Variants in CFAP54 observed in about 807,000 individuals in gnomAD.
CFAP54 encodes cilia and flagella associated protein 54, also known as cilia- and flagella-associated protein 54.
In CFAP54, 290 loss-of-function variants were observed where a neutral mutation model predicts 370.4. That is an observed-to-expected ratio of 0.78 (90% confidence interval 0.71 to 0.86). The LOEUF is 0.86. Among genes scored for constraint, CFAP54 ranks in the 40% least tolerant of loss-of-function variants. CFAP54 has a pLI of 0.00. For missense variants in CFAP54, 3,399 were observed against 3,528.7 expected (o/e 0.96, Z 0.93); for synonymous variants, 1,206 against 1,236.5 (o/e 0.98, Z 0.52).
intron 63 of CFAP54, among the ~76,000 whole-genome samples, chr12:96,794,898 G>T (rs892099885): frequency 1.3e-5 from 2 of 152,162 alleles, no homozygotes; most frequent in African/African-American, 4.8e-5. Flanking sequence ...GGACTCAGGG[G>T]CTTCTGTTGA....
At chr12:96,546,002 T>A (rs549006585) in intron 14 of CFAP54, among the ~76,000 whole-genome samples, 2 of 152,332 alleles carry the variant, frequency 1.3e-5, no homozygotes, top group South Asian at 4.1e-4. Context: ...CATAACTGTT[T>A]CCCTGAATTC....
intron 38 of CFAP54, 32 bp downstream of exon 38, chr12:96,658,378 G>A (rs1198588906): frequency 1.9e-6 from 3 of 1,608,358 alleles, no homozygotes; most frequent in Non-Finnish European, 2.6e-6. Flanking sequence ...TATTCATGCT[G>A]TTGTGATTTC....
intron 1 of CFAP54, among the ~76,000 whole-genome samples, chr12:96,500,105 G>T (rs983222220): frequency 6.6e-6 from 1 of 152,118 alleles, no homozygotes; most frequent in African/African-American, 2.4e-5. Flanking sequence ...CCAGACAATG[G>T]GATATTATTC....
chr12:96,667,908 T>C (rs545405374), intron 39 of CFAP54, among the ~76,000 whole-genome samples: 60 of 152,318 alleles, frequency 3.9e-4, no homozygotes, highest in Middle Eastern at 3.4e-3. Flanking sequence ...TTCTGCCAGA[T>C]ACACTAAATC....
rs1956501476 is a variant in CFAP54, at chr12:96,621,999, A to C, written c.3771+278A>C. ...CGACCATCAGTTAATGATGATAGAGAGCTTCTTACACCCAGTTGGACACTG... is the reference window on the plus strand; with the variant it reads ...CGACCATCAGTTAATGATGATAGAGCGCTTCTTACACCCAGTTGGACACTG... On this transcript the variant is annotated intron_variant, in intron 27 of 67. Transcript: ENST00000524981. Among the ~76,000 whole-genome samples the C allele has an allele frequency of 2.0e-5, 3 of 146,792 alleles. No individual in the cohort carries two copies. In the Admixed American group the frequency reaches 2.1e-4, roughly 10 times the overall value.
rs139160937 is a variant in CFAP54, at chr12:96,673,973, G to C, written c.5564-5627G>C. On this transcript the variant is annotated intron_variant, in intron 39 of 67. Coordinates refer to ENST00000524981, the MANE Select transcript of CFAP54 (RefSeq NM_001306084.2). ...AACACCTCACTTTATAGATATTCTT[G>C]TATGGGTGAGTAACTTGCCTGCTTG... is the stretch of plus-strand genomic sequence containing the variant. Among the ~76,000 whole-genome samples, 718 of 152,326 alleles carry C rather than the reference G, an allele frequency of 4.7e-3. 4 individuals carry two copies. Among genetic ancestry groups the C allele is most frequent in the African/African-American group, 0.016 (681 of 41,572 alleles).
chr12:96,507,534 T>TACACACACACACACAC (rs34776926), intron 4 of CFAP54, among the ~76,000 whole-genome samples: 4 of 140,592 alleles, frequency 2.8e-5, no homozygotes, highest in African/African-American at 7.8e-5. Context: ...CACACACACA[T>TACACACACACACACAC]ACACACACAC....
chr12:96,771,961 T>A (rs1171031129), intron 60 of CFAP54, among the ~76,000 whole-genome samples: 3 of 152,190 alleles, frequency 2.0e-5, no homozygotes, highest in African/African-American at 7.2e-5. Flanking sequence ...ATTGTAAGTA[T>A]TCAGTCAGAA....
At chr12:96,502,360 G>T (rs1346644140) in intron 2 of CFAP54, among the ~76,000 whole-genome samples, 2 of 133,004 alleles carry the variant, frequency 1.5e-5, no homozygotes, top group East Asian at 4.7e-4. Flanking sequence ...CCAGGAGTTT[G>T]AGACAAGCCT....
At chr12:96,806,189 T>TAC (rs1958877249) in intron 63 of CFAP54, among the ~76,000 whole-genome samples, 2 of 84,216 alleles carry the variant, frequency 2.4e-5, no homozygotes, top group Non-Finnish European at 5.0e-5. Context: ...TATATATATA[T>TAC]ATATATATAT....
Position 96,860,808 on chromosome 12 carries a change from T to A in CFAP54, c.9172-11T>A. The stretch of plus-strand genomic sequence containing the variant: ...AATGCATTTCATGAACACTTTTATG[T>A]TTTTCCTCAGGTCCCATTTGATATC... On this transcript the variant is annotated splice_polypyrimidine_tract_variant and intron_variant, in intron 66 of 67. Transcript: ENST00000524981. 2 of 1,522,260 alleles carry A rather than the reference T, an allele frequency of 1.3e-6. No homozygotes were observed. Among genetic ancestry groups the A allele is most frequent in the Non-Finnish European group, 1.8e-6 (2 of 1,142,060 alleles). The allele number at this position is 1,522,260 out of a possible 1,614,324, so 94.3% of individuals were successfully genotyped here. A position where few individuals can be genotyped will look rare whatever the true frequency, so the allele number is the denominator to read the frequency against.
intron 15 of CFAP54, among the ~76,000 whole-genome samples, chr12:96,550,127 G>A (rs906592205): frequency 5.3e-5 from 8 of 152,152 alleles, no homozygotes; most frequent in Non-Finnish European, 1.0e-4. Flanking sequence ...AAGATTATTA[G>A]TAAAGCATTT....
At chr12:96,667,684 G>A (rs1456050741) in intron 39 of CFAP54, among the ~76,000 whole-genome samples, 1 of 152,184 alleles carries the variant, frequency 6.6e-6, no homozygotes, top group African/African-American at 2.4e-5. Context: ...GATGGGAGGG[G>A]CTGCTGCGAA....
chr12:96,522,251 C>G, intron 8 of CFAP54, 62 bp downstream of exon 8: 1 of 1,114,920 alleles, frequency 9.0e-7, no homozygotes, highest in Non-Finnish European at 1.3e-6. Flanking sequence ...TATTATGCTC[C>G]TATGTCTTTC....
intron 48 of CFAP54, among the ~76,000 whole-genome samples, chr12:96,710,338 G>A (rs1013586883): frequency 2.0e-5 from 3 of 152,210 alleles, no homozygotes; most frequent in East Asian, 1.9e-4. Flanking sequence ...GGAAACATGA[G>A]CAAGAACCTT....
chr12:96,766,774 T>G (rs1958405431), intron 60 of CFAP54, among the ~76,000 whole-genome samples: 1 of 152,198 alleles, frequency 6.6e-6, no homozygotes. Context: ...GAATGATGTG[T>G]TTACTTTACC....
At chr12:96,606,098 C>T (rs373953608) in intron 26 of CFAP54, among the ~76,000 whole-genome samples, 1 of 151,986 alleles carries the variant, frequency 6.6e-6, no homozygotes, top group East Asian at 1.9e-4. Context: ...TTTCATGAAG[C>T]TTTAAGTGTT....
intron 1 of CFAP54, among the ~76,000 whole-genome samples, chr12:96,497,973 T>A (rs763771931): frequency 7.9e-5 from 12 of 152,222 alleles, no homozygotes; most frequent in Non-Finnish European, 1.8e-4. Context: ...ACTCTGTGAC[T>A]TGTCTTGAAT....
chr12:96,784,673 C>T, intron 60 of CFAP54, 44 bp from the exon 61 acceptor site: 2 of 1,327,650 alleles, frequency 1.5e-6, no homozygotes, highest in Non-Finnish European at 2.0e-6. Context: ...TCAAGGAAAG[C>T]ATAATATAAT....
Sources: allele counts gnomAD v4.1 joint callset (sites outside exome capture counted in the v4.1 genomes callset), GRCh38; gene constraint gnomAD v4.1.1; transcripts MANE v1.5; gene names NCBI Gene and HGNC (gene_info 2026-07-23, HGNC 2026-07-21).